Variants in ADAMTS18 observed in about 807,000 individuals in gnomAD.
ADAMTS18 encodes the protein A disintegrin and metalloproteinase with thrombospondin motifs 18.
In ADAMTS18, 157 loss-of-function variants were observed where a neutral mutation model predicts 165.9. That is an observed-to-expected ratio of 0.95 (90% CI 0.83 to 1.08). The LOEUF (loss-of-function observed/expected upper bound fraction) is 1.08. Among genes scored for constraint, ADAMTS18 ranks in the 50% least tolerant of loss-of-function variants. ADAMTS18 has a pLI of 0.00. For missense variants in ADAMTS18, 2,040 were observed against 1,534.0 expected, an observed-to-expected ratio of 1.33 and a Z score of -5.51; for synonymous variants, 782 against 578.2, an observed-to-expected ratio of 1.35 and a Z score of -5.06.
At chr16:77,327,598 C>T (rs959830052) in intron 12 of ADAMTS18, among the ~76,000 whole-genome samples, 33 of 152,214 alleles carry the variant, frequency 2.2e-4, no homozygotes, top group African/African-American at 7.7e-4. Flanking sequence ...TCACAGCAAC[C>T]TGGATAAAAC....
At chr16:77,346,826 G>A (rs2056484167) in intron 10 of ADAMTS18, among the ~76,000 whole-genome samples, 1 of 152,152 alleles carries the variant, frequency 6.6e-6, no homozygotes, top group South Asian at 2.1e-4. Flanking sequence ...ACAGAGGTAT[G>A]ATTTATACAA....
At chr16:77,378,575 C>T (rs992300958) in intron 3 of ADAMTS18, among the ~76,000 whole-genome samples, 4 of 151,882 alleles carry the variant, frequency 2.6e-5, no homozygotes, top group African/African-American at 9.7e-5. Flanking sequence ...ATTACCCAAG[C>T]ATGGCGGTGT....
intron 3 of ADAMTS18, among the ~76,000 whole-genome samples, chr16:77,421,074 G>A (rs1355877700): frequency 2.0e-5 from 3 of 152,296 alleles, no homozygotes; most frequent in Admixed American, 6.5e-5. Flanking sequence ...AATTAGTGAT[G>A]TGCACTACAT....
At chr16:77,345,032 AG>A (rs1302189976) in intron 10 of ADAMTS18, among the ~76,000 whole-genome samples, 2 of 152,176 alleles carry the variant, frequency 1.3e-5, no homozygotes, top group Non-Finnish European at 2.9e-5. Context: ...AAATAACCAC[AG>A]AGACTCCAAG....
rs779800493 is a variant in ADAMTS18, at chr16:77,431,445, C to T, written c.345G>A (p.Ser115=). 19 of 1,614,132 alleles carry T rather than the reference C, an allele frequency of 1.2e-5. No homozygotes were observed. The highest frequency in any genetic ancestry group is 2.2e-5 in the East Asian group (1 of 44,874). The change falls in exon 3 of 23, where the codon TCG becomes TCA. Residue 115 remains serine, a synonymous_variant. Transcript: ENST00000282849. The stretch of plus-strand genomic sequence containing the variant: ...CAATAAAGTGACTGCTCAAAATCGC[C>T]GAGGGCTTAAGTTCTAAGTGCAGTT... The part of the protein sequence containing the change: ...GQELHLELKP[S]AILSSHFIVQ...
At chr16:77,367,857 T>A in intron 3 of ADAMTS18, 134 bp from the exon 4 acceptor site, 1 of 977,184 alleles carries the variant, frequency 1.0e-6, no homozygotes, top group East Asian at 2.5e-5. Context: ...TATTGCCTCA[T>A]TTTTATCTGC....
chr16:77,296,734 T>C (rs1195450484), intron 18 of ADAMTS18, among the ~76,000 whole-genome samples: 1 of 152,014 alleles, frequency 6.6e-6, no homozygotes, highest in Non-Finnish European at 1.5e-5. Flanking sequence ...GCACAATAAT[T>C]GCTTGAATCC....
chr16:77,424,062 G>A (rs768233615), intron 3 of ADAMTS18, among the ~76,000 whole-genome samples: 5 of 152,152 alleles, frequency 3.3e-5, no homozygotes, highest in Non-Finnish European at 7.3e-5. Context: ...AGAAAAAGAG[G>A]TACTGTTCCC....
At chr16:77,353,069 G>A (rs1028145454) in intron 10 of ADAMTS18, among the ~76,000 whole-genome samples, 1 of 151,508 alleles carries the variant, frequency 6.6e-6, no homozygotes, top group African/African-American at 2.4e-5. Flanking sequence ...AACACAGTGA[G>A]ACTCTGTCTC....
At chr16:77,366,205 C>A (rs868579144) in intron 4 of ADAMTS18, among the ~76,000 whole-genome samples, 6 of 152,174 alleles carry the variant, frequency 3.9e-5, no homozygotes, top group Non-Finnish European at 7.4e-5. Flanking sequence ...AGTTTCCATG[C>A]ACAGCTACTG....
rs770474298 is a variant in ADAMTS18, at chr16:77,362,230, G to T, written c.1091C>A (p.Ser364Tyr). Reference protein sequence around the residue: ...GLLINHHADQSLNSFCQWQSA... With the variant: ...GLLINHHADQYLNSFCQWQSA... Reference sequence around the variant, plus strand: ...CTGCCATTGACAAAAACTATTCAGAGACTGGTCTGCATGATGGTTGATCAA... The same window carrying T: ...CTGCCATTGACAAAAACTATTCAGATACTGGTCTGCATGATGGTTGATCAA... Residue 364 changes from serine (S) to tyrosine (Y), a missense_variant, in exon 7 of 23, where the codon TCT becomes TAT. Transcript: ENST00000282849. The T allele has an allele frequency of 1.2e-6, 2 of 1,614,156 alleles. No individual in the cohort carries two copies. Among genetic ancestry groups the T allele is most frequent in the Middle Eastern group, 1.6e-4 (1 of 6,062 alleles).
intron 16 of ADAMTS18, among the ~76,000 whole-genome samples, chr16:77,311,862 T>C (rs994182309): frequency 6.6e-6 from 1 of 152,208 alleles, no homozygotes; most frequent in Non-Finnish European, 1.5e-5. Context: ...CTTGAATCTA[T>C]TGGTAGAATG....
At chr16:77,400,899 C>T (rs1026647837) in intron 3 of ADAMTS18, among the ~76,000 whole-genome samples, 18 of 151,632 alleles carry the variant, frequency 1.2e-4, no homozygotes, top group Non-Finnish European at 2.5e-4. Flanking sequence ...ACTTCTGCTT[C>T]CTGGGATCAC....
intron 3 of ADAMTS18, among the ~76,000 whole-genome samples, chr16:77,408,227 C>A (rs1015458710): frequency 2.6e-5 from 4 of 152,058 alleles, no homozygotes; most frequent in African/African-American, 9.7e-5. Flanking sequence ...AGATGAGGAA[C>A]ATGTGGAACT....
Position 77,315,363 on chromosome 16 carries a change from T to C in ADAMTS18, c.2532+4486A>G, listed in dbSNP as rs888966049. ...ATTGTAAACTGAATTTGCATAGCTC[T>C]TGCGTATGAGATTCAGACGGATTTT... On this transcript the variant is annotated intron_variant, in intron 16 of 22. Coordinates refer to ENST00000282849, the MANE Select transcript of ADAMTS18 (RefSeq NM_199355.4). Among the ~76,000 whole-genome samples the C allele has an allele frequency of 2.0e-5, 3 of 152,202 alleles. No homozygotes were observed. In the East Asian group the frequency reaches 5.8e-4, roughly 29 times the overall value.
intron 22 of ADAMTS18, among the ~76,000 whole-genome samples, chr16:77,284,343 G>A (rs1029893596): frequency 2.6e-5 from 4 of 152,050 alleles, no homozygotes; most frequent in East Asian, 1.9e-4. Flanking sequence ...GGCCAGGCTG[G>A]TCTCAAATTC....
chr16:77,377,674 C>T lies in ADAMTS18; in HGVS notation c.496-9951G>A, dbSNP rs200737555. On this transcript the variant is annotated intron_variant, in intron 3 of 22. Coordinates refer to ENST00000282849, the MANE Select transcript of ADAMTS18 (RefSeq NM_199355.4). ...CTAGCAAAGACATATTTGTGGTCAT[C>T]AATAATTAATTTATTTTTCACTTTT... is the stretch of plus-strand genomic sequence containing the variant. Among the ~76,000 whole-genome samples, 18 of 152,294 alleles carry T rather than the reference C, an allele frequency of 1.2e-4. No homozygotes were observed. In the East Asian group the frequency reaches 3.5e-3, roughly 29 times the overall value.
intron 22 of ADAMTS18, among the ~76,000 whole-genome samples, chr16:77,286,602 G>A (rs944415205): frequency 1.3e-5 from 2 of 152,044 alleles, no homozygotes; most frequent in African/African-American, 2.4e-5. Flanking sequence ...GCTACTGAGT[G>A]TCAAGTCAGT....
intron 2 of ADAMTS18, 32 bp from the exon 3 acceptor site, chr16:77,431,643 C>G: frequency 6.2e-7 from 1 of 1,609,328 alleles, no homozygotes. Context: ...TGTCAGCACC[C>G]AGAGCCCACA....
Sources: allele counts gnomAD v4.1 joint callset (sites outside exome capture counted in the v4.1 genomes callset), GRCh38; gene constraint gnomAD v4.1.1; transcripts MANE v1.5; gene names NCBI Gene and HGNC (gene_info 2026-07-23, HGNC 2026-07-21).